The following FIRRM variants were observed in gnomAD, a reference collection of about 807,000 sequenced individuals.
The protein encoded by FIRRM is FIGNL1 interacting regulator of recombination and mitosis.
At chr1:169,805,969 G>C in the FIRRM span, 1 of 1,290,238 alleles carries the variant, frequency 7.8e-7, no homozygotes, top group South Asian at 1.3e-5. Context: ...CATGACATTT[G>C]GATGTCTTAA....
At chr1:169,816,842 C>T in the FIRRM span, among the ~76,000 whole-genome samples, 2 of 152,152 alleles carry the variant, frequency 1.3e-5, no homozygotes, top group African/African-American at 4.8e-5. Flanking sequence ...CCAGCCAAAG[C>T]CTTGGTAAAA....
chr1:169,851,616 A>G, the FIRRM span: 38 of 648,078 alleles, frequency 5.9e-5, no homozygotes, highest in Non-Finnish European at 8.7e-5. Context: ...AGACAACTCT[A>G]TAACTAACTA....
chr1:169,805,925 GT>G, the FIRRM span: 3 of 763,698 alleles, frequency 3.9e-6, no homozygotes, highest in East Asian at 7.8e-5. Flanking sequence ...AAATTGTTCA[GT>G]AGATAGTTTT....
chr1:169,834,758 G>C, the FIRRM span, among the ~76,000 whole-genome samples: 3 of 152,064 alleles, frequency 2.0e-5, no homozygotes, highest in African/African-American at 7.2e-5. Flanking sequence ...GGACAACATA[G>C]CAAGACTGTC....
chr1:169,796,003 A>G, the FIRRM span: 33 of 977,996 alleles, frequency 3.4e-5, no homozygotes, highest in Non-Finnish European at 3.9e-5. Flanking sequence ...ATGTATATGT[A>G]TCTTTTTCAC....
chr1:169,850,009 C>T, the FIRRM span: 8 of 516,350 alleles, frequency 1.5e-5, no homozygotes, highest in African/African-American at 3.8e-5. Flanking sequence ...TATAGTCATG[C>T]CTATGATCAT....
chr1:169,817,009 T>TA, the FIRRM span, among the ~76,000 whole-genome samples: 1 of 152,168 alleles, frequency 6.6e-6, no homozygotes, highest in Non-Finnish European at 1.5e-5. Context: ...TTCACAGTGA[T>TA]ATACTTTACT....
the FIRRM span, chr1:169,827,790 AGTGCAAACCCTGTG>A: frequency 9.9e-6 from 16 of 1,614,158 alleles, no homozygotes; most frequent in Admixed American, 1.7e-5. Flanking sequence ...AGCCTAAGGA[AGTGCAAACCCTGTG>A]GTGCACAGAC....
chr1:169,795,873 C>T, the FIRRM span: 2 of 985,144 alleles, frequency 2.0e-6, no homozygotes, highest in Non-Finnish European at 2.4e-6. Context: ...TGTTGGCTTT[C>T]AACTGTTGGA....
the FIRRM span, among the ~76,000 whole-genome samples, chr1:169,801,926 A>G: frequency 6.6e-6 from 1 of 152,338 alleles, no homozygotes; most frequent in South Asian, 2.1e-4. Flanking sequence ...TGACCACCAG[A>G]AAAAGATTCA....
chr1:169,817,466 G>A, the FIRRM span, among the ~76,000 whole-genome samples: 1 of 152,276 alleles, frequency 6.6e-6, no homozygotes, highest in Non-Finnish European at 1.5e-5. Flanking sequence ...TATACATTAA[G>A]TCATATCAGA....
At chr1:169,810,633 T>G in the FIRRM span, among the ~76,000 whole-genome samples, 1 of 152,022 alleles carries the variant, frequency 6.6e-6, no homozygotes, top group Non-Finnish European at 1.5e-5. Flanking sequence ...ATGTCTTCAA[T>G]AACCCTATTT....
At chr1:169,849,478 T>C in the FIRRM span, 4 of 1,557,972 alleles carry the variant, frequency 2.6e-6, no homozygotes, top group Admixed American at 3.5e-5. Flanking sequence ...TTCTCTATTA[T>C]AATAAGGCTT....
chr1:169,848,078 A>G, the FIRRM span, among the ~76,000 whole-genome samples: 1 of 152,166 alleles, frequency 6.6e-6, no homozygotes, highest in African/African-American at 2.4e-5. Flanking sequence ...GTTCTAATAC[A>G]TAGTTCCTGT....
chr1:169,837,139 A>G, the FIRRM span: 2 of 1,550,082 alleles, frequency 1.3e-6, no homozygotes, highest in African/African-American at 1.4e-5. Context: ...GATTTATTTT[A>G]TTCATTCAGC....
At chr1:169,796,187 G>A in the FIRRM span, among the ~76,000 whole-genome samples, 1 of 152,178 alleles carries the variant, frequency 6.6e-6, no homozygotes, top group Non-Finnish European at 1.5e-5. Context: ...CCCTTTTTTA[G>A]TTTTTGTGTA....
the FIRRM span, chr1:169,849,442 T>C: frequency 3.0e-6 from 4 of 1,316,886 alleles, no homozygotes; most frequent in African/African-American, 2.9e-5. Flanking sequence ...GTATGGCTAT[T>C]TTATGATTAT....
At chr1:169,784,045 C>A in the FIRRM span, 1 of 153,436 alleles carries the variant, frequency 6.5e-6, no homozygotes, top group South Asian at 2.1e-4. Context: ...CAAGGTCCCC[C>A]AAAATGCTGG....
chr1:169,792,939 T>G, the FIRRM span: 1 of 1,614,114 alleles, frequency 6.2e-7, no homozygotes. Context: ...TTTGGTTTCC[T>G]GCATCTTTTC....
Sources: gnomAD v4.1 joint callset for allele counts (sites outside exome capture counted in the v4.1 genomes callset) on GRCh38, gnomAD v4.1.1 for gene constraint, MANE v1.5 for transcripts, NCBI Gene and HGNC (gene_info 2026-07-23, HGNC 2026-07-21) for gene names.